Variants in SCN8A observed in about 807,000 individuals in gnomAD.
The protein encoded by SCN8A is sodium voltage-gated channel alpha subunit 8.
SCN8A carries 30 observed loss-of-function variants against 184.1 expected under a neutral mutation model. The ratio of observed to expected loss-of-function variants is 0.16; its 90% CI spans 0.12 to 0.22. SCN8A has a LOEUF of 0.22. SCN8A is among the 10% of genes least tolerant of loss of function. The probability of loss-of-function intolerance (pLI) is 1.00; values close to 1 mark genes in which losing one functional copy is unlikely to be tolerated. For synonymous variants in SCN8A, 852 were observed against 907.0 expected (o/e 0.94, Z 1.09); for missense variants, 1,057 against 2,498.9 (o/e 0.42, Z 12.30).
chr12:51,688,404 C>A (rs943674101), intron 5 of SCN8A, among the ~76,000 whole-genome samples: 9 of 152,162 alleles, frequency 5.9e-5, no homozygotes, highest in African/African-American at 1.7e-4. Context: ...AAATTTGTCT[C>A]CCTCTCTTAA....
At chr12:51,800,957 T>C (rs1374135423) in intron 26 of SCN8A, among the ~76,000 whole-genome samples, 2 of 152,236 alleles carry the variant, frequency 1.3e-5, no homozygotes, top group Admixed American at 1.3e-4. Flanking sequence ...ATTCTGGGTC[T>C]GTACGCTGGT....
chr12:51,643,461 T>C (rs892172769), intron 1 of SCN8A, among the ~76,000 whole-genome samples: 12 of 152,260 alleles, frequency 7.9e-5, no homozygotes, highest in Admixed American at 1.3e-4. Flanking sequence ...GACAGGCCCA[T>C]AACCACTTTG....
chr12:51,629,418 C>T (rs965619789), intron 1 of SCN8A, among the ~76,000 whole-genome samples: 1 of 152,024 alleles, frequency 6.6e-6, no homozygotes, highest in Non-Finnish European at 1.5e-5. Flanking sequence ...TTCCCTCAGC[C>T]CCCAAGTTGT....
At chr12:51,770,163 T>C in intron 18 of SCN8A, 178 bp downstream of exon 18, 1 of 605,458 alleles carries the variant, frequency 1.7e-6, no homozygotes, top group Non-Finnish European at 2.9e-6. Context: ...CTGACAAGTA[T>C]ATAACAAGTT....
chr12:51,771,937 C>T (rs530608055), intron 19 of SCN8A, among the ~76,000 whole-genome samples: 14 of 152,172 alleles, frequency 9.2e-5, no homozygotes, highest in Non-Finnish European at 1.5e-4. Flanking sequence ...TCATTTGGCT[C>T]TTCTCTTTCC....
chr12:51,596,656 A>G (rs1006346601), intron 1 of SCN8A, among the ~76,000 whole-genome samples: 1 of 152,208 alleles, frequency 6.6e-6, no homozygotes, highest in Non-Finnish European at 1.5e-5. Context: ...TTTTGGAAGC[A>G]GGAAGGATGA....
chr12:51,640,212 GTTTTTTTTTTTTTTTTTTT>G lies in SCN8A; in HGVS notation c.-54-22529_-54-22511del, dbSNP rs57362371. Among the ~76,000 whole-genome samples, 26 of 34,776 alleles carry G rather than the reference GTTTTTTTTTTTTTTTTTTT, an allele frequency of 7.5e-4. 1 individual carries two copies. The East Asian group carries it at 7.5e-3, about 10-fold the overall frequency. 22.8% of individuals were successfully genotyped at this position (34,776 alleles called of 152,430 possible). On this transcript the variant is annotated intron_variant, in intron 1 of 26. Coordinates refer to ENST00000627620, the MANE Select transcript of SCN8A (RefSeq NM_001330260.2). ...GGATATGAGCACATGTGCCTGGCCT[GTTTTTTTTTTTTTTTTTTT>G]TTTTTTTTTTTTTTTTTTTTTTAAG...
At chr12:51,671,251 T>C (rs1209521995) in intron 2 of SCN8A, among the ~76,000 whole-genome samples, 1 of 152,214 alleles carries the variant, frequency 6.6e-6, no homozygotes, top group African/African-American at 2.4e-5. Flanking sequence ...GTGTGAGCTA[T>C]TGGGGTGCTT....
Position 51,621,878 on chromosome 12 carries a change from C to T in SCN8A, c.-55+30519C>T, listed in dbSNP as rs544303015. On this transcript the variant is annotated intron_variant, in intron 1 of 26. Transcript: ENST00000627620. Reference sequence around the variant, plus strand: ...GTCCACATCAAAGAAAGAATGTGTACGCCTGTGTTTTCAGGATTCTGTCTG... The same window carrying T: ...GTCCACATCAAAGAAAGAATGTGTATGCCTGTGTTTTCAGGATTCTGTCTG... 2.0e-4 allele frequency among the ~76,000 whole-genome samples: 31 copies of T among 152,276 alleles called. No individual in the cohort carries two copies. The South Asian group carries it at 4.6e-3, about 22-fold the overall frequency.
intron 16 of SCN8A, among the ~76,000 whole-genome samples, chr12:51,768,572 A>G (rs1242142028): frequency 6.6e-6 from 1 of 152,142 alleles, no homozygotes; most frequent in East Asian, 1.9e-4. Context: ...AAATGGATAC[A>G]GCCTTTGTTT....
intron 12 of SCN8A, among the ~76,000 whole-genome samples, chr12:51,741,194 C>T (rs1942416055): frequency 6.6e-6 from 1 of 152,198 alleles, no homozygotes; most frequent in Non-Finnish European, 1.5e-5. Context: ...AGACTGACCC[C>T]TTTATCATTA....
chr12:51,634,023 T>C (rs978106367), intron 1 of SCN8A, among the ~76,000 whole-genome samples: 73 of 152,298 alleles, frequency 4.8e-4, no homozygotes, highest in African/African-American at 1.6e-3. Context: ...GGTAACATTG[T>C]TGATGATAGC....
intron 12 of SCN8A, among the ~76,000 whole-genome samples, chr12:51,734,698 G>C (rs1475915301): frequency 1.3e-5 from 2 of 152,218 alleles, no homozygotes; most frequent in Admixed American, 6.5e-5. Context: ...ATTTTGGGGG[G>C]CTTGCTCCCA....
At chr12:51,745,625 G>T (rs963300351) in intron 12 of SCN8A, among the ~76,000 whole-genome samples, 2 of 152,172 alleles carry the variant, frequency 1.3e-5, no homozygotes, top group Non-Finnish European at 2.9e-5. Flanking sequence ...TCTACTCTAT[G>T]CTTGGAATGA....
intron 11 of SCN8A, among the ~76,000 whole-genome samples, chr12:51,708,567 A>G (rs912802148): frequency 6.6e-6 from 1 of 151,982 alleles, no homozygotes; most frequent in African/African-American, 2.4e-5. Context: ...TTTCCCAGAG[A>G]TGATTCATTT....
chr12:51,631,825 C>T (rs75941580), intron 1 of SCN8A, among the ~76,000 whole-genome samples: 1 of 152,300 alleles, frequency 6.6e-6, no homozygotes, highest in East Asian at 1.9e-4. Context: ...TGTGCTTGTG[C>T]ACAGCTTGGT....
intron 1 of SCN8A, among the ~76,000 whole-genome samples, chr12:51,648,513 T>C (rs936259213): frequency 1.3e-5 from 2 of 152,340 alleles, no homozygotes; most frequent in East Asian, 3.9e-4. Context: ...AAAAGAGGTT[T>C]AATTGGACTC....
chr12:51,758,066 G>A (rs370614783), intron 14 of SCN8A, among the ~76,000 whole-genome samples: 3 of 152,200 alleles, frequency 2.0e-5, no homozygotes, highest in African/African-American at 7.2e-5. Flanking sequence ...CATGGCTTGA[G>A]GCCAGGAATT....
chr12:51,710,206 T>C (rs999071206), intron 11 of SCN8A, among the ~76,000 whole-genome samples: 8 of 152,182 alleles, frequency 5.3e-5, no homozygotes, highest in Non-Finnish European at 8.8e-5. Context: ...CTGGAATTCA[T>C]AGCATTCCCC....
Sources: allele counts gnomAD v4.1 joint callset (sites outside exome capture counted in the v4.1 genomes callset), GRCh38; gene constraint gnomAD v4.1.1; transcripts MANE v1.5; gene names NCBI Gene and HGNC (gene_info 2026-07-23, HGNC 2026-07-21).